GPR141: variants seen among roughly 807,000 people sequenced by gnomAD.
GPR141 encodes the protein probable G protein-coupled receptor 141.
GPR141 carries 6 observed loss-of-function variants against 6.8 expected under a neutral mutation model. That is an observed-to-expected ratio of 0.88 (90% CI 0.48 to 1.74). The LOEUF is 1.74. GPR141 is among the 40% of genes most tolerant of loss of function. GPR141 has a pLI of 0.01. For synonymous variants in GPR141, 140 were observed against 142.3 expected, an observed-to-expected ratio of 0.98 and a Z score of 0.11; for missense variants, 372 against 372.9, an observed-to-expected ratio of 1.00 and a Z score of 0.02.
At position 37,723,660 on chromosome 7, in the gene GPR141, G is replaced by A. The variant is rs192160802; in HGVS notation, c.-14-16720G>A. ...AGTTACCAGCATTGTTGGATACCAC[G>A]TTTTGCCTGTCTGAAGGCCTCGTCC... is the stretch of plus-strand genomic sequence containing the variant. On this transcript the variant is annotated intron_variant, in intron 2 of 2. Coordinates refer to ENST00000334425, the MANE Select transcript of GPR141 (RefSeq NM_001381946.1). 2.8e-4 allele frequency among the ~76,000 whole-genome samples: 42 copies of A among 152,300 alleles called. 1 individual carries two copies. The highest frequency in any genetic ancestry group is 5.4e-4 in the Non-Finnish European group (37 of 68,010).
intron 2 of GPR141, among the ~76,000 whole-genome samples, chr7:37,696,523 T>C (rs1466042213): frequency 6.6e-6 from 1 of 151,978 alleles, no homozygotes; most frequent in Non-Finnish European, 1.5e-5. Context: ...ATGCCTGGCA[T>C]TCAACCACCT....
intron 2 of GPR141, among the ~76,000 whole-genome samples, chr7:37,708,921 A>G (rs1482852871): frequency 6.6e-6 from 1 of 152,190 alleles, no homozygotes; most frequent in Non-Finnish European, 1.5e-5. Context: ...GTTTTTTCAT[A>G]TGTAATATCT....
intron 2 of GPR141, among the ~76,000 whole-genome samples, chr7:37,724,636 G>C (rs1045246278): frequency 6.6e-6 from 1 of 152,144 alleles, no homozygotes; most frequent in African/African-American, 2.4e-5. Context: ...GAGTTTCCCT[G>C]AGTGAGTGAT....
At chr7:37,697,643 G>A (rs1236854881) in intron 2 of GPR141, among the ~76,000 whole-genome samples, 2 of 152,298 alleles carry the variant, frequency 1.3e-5, no homozygotes, top group African/African-American at 4.8e-5. Context: ...TCTTCACTGA[G>A]TCTCAATGTA....
At chr7:37,731,771 TCCCATTAGGAAAAAATTGTGC>T (rs1811956476) in intron 2 of GPR141, among the ~76,000 whole-genome samples, 1 of 152,200 alleles carries the variant, frequency 6.6e-6, no homozygotes, top group Non-Finnish European at 1.5e-5. Context: ...AATTTTTTTG[TCCCATTAGGAAAAAATTGTGC>T]CCCAATCGCT....
chr7:37,739,719 TAGG>T (rs1487298989), intron 2 of GPR141, among the ~76,000 whole-genome samples: 1 of 151,636 alleles, frequency 6.6e-6, no homozygotes, highest in Non-Finnish European at 1.5e-5. Context: ...CCTTTGAGAG[TAGG>T]AGATGAGAGA....
chr7:37,693,566 G>A (rs905136342), intron 2 of GPR141, among the ~76,000 whole-genome samples: 2 of 152,170 alleles, frequency 1.3e-5, no homozygotes, highest in Admixed American at 6.5e-5. Flanking sequence ...AGGGGATGAA[G>A]CACCTTGTAG....
intron 2 of GPR141, among the ~76,000 whole-genome samples, chr7:37,706,436 C>G (rs1429109362): frequency 6.6e-6 from 1 of 152,160 alleles, no homozygotes; most frequent in Non-Finnish European, 1.5e-5. Context: ...TATCCAGATT[C>G]AAGAAGAAGG....
intron 2 of GPR141, among the ~76,000 whole-genome samples, chr7:37,694,958 G>A (rs1809948143): frequency 6.6e-6 from 1 of 152,162 alleles, no homozygotes; most frequent in Admixed American, 6.5e-5. Context: ...ATTCCACTAA[G>A]GCACCATTTT....
At position 37,743,792 on chromosome 7, in the gene GPR141, A is replaced by G. The variant is rs1051143121; in HGVS notation, c.*2481A>G. On this transcript the variant is annotated 3_prime_UTR_variant, in exon 3 of 3. Transcript: ENST00000334425. ...GAAATGCAATATTTCATAATATAAA[A>G]TATCTTTTTCATCAGTATTTATGGA... Among the ~76,000 whole-genome samples the G allele has an allele frequency of 1.3e-5, 2 of 152,176 alleles. No homozygotes were observed. The highest frequency in any genetic ancestry group is 3.8e-4 in the East Asian group (2 of 5,200).
Position 37,742,205 on chromosome 7 carries a change from A to G in GPR141, c.*894A>G, listed in dbSNP as rs1812598993. On this transcript the variant is annotated 3_prime_UTR_variant, in exon 3 of 3. Transcript: ENST00000334425. ...AGATTTTTAGGGGGGACAGAAAGTT[A>G]TACTGAAATCTTTAGAGCTCCCTTC... Among the ~76,000 whole-genome samples, 1 of 152,088 alleles carries G rather than the reference A, an allele frequency of 6.6e-6. No homozygotes were observed. The highest frequency in any genetic ancestry group is 2.4e-5 in the African/African-American group (1 of 41,418).
At position 37,741,400 on chromosome 7, in the gene GPR141, T is replaced by A. The variant is rs1812558823; in HGVS notation, c.*89T>A. On this transcript the variant is annotated 3_prime_UTR_variant, in exon 3 of 3. Coordinates refer to ENST00000334425, the MANE Select transcript of GPR141 (RefSeq NM_001381946.1). ...GTAAGAATGGTATTTCATTACTTGA[T>A]CAAAACCATGCCTTGATGTACCCAA... is the stretch of plus-strand genomic sequence containing the variant. The A allele has an allele frequency of 1.0e-6, 1 of 992,002 alleles. No individual in the cohort carries two copies. Among genetic ancestry groups the A allele is most frequent in the Non-Finnish European group, 1.5e-6 (1 of 673,350 alleles). The allele number at this position is 992,002 out of a possible 1,614,324, so 61.4% of individuals were successfully genotyped here.
At chr7:37,740,140 G>A (rs944116110) in intron 2 of GPR141, among the ~76,000 whole-genome samples, 4 of 152,056 alleles carry the variant, frequency 2.6e-5, no homozygotes, top group Non-Finnish European at 5.9e-5. Context: ...TCTCTCTGGG[G>A]GGCAACTTGA....
At chr7:37,687,238 C>G (rs1809550412) in intron 2 of GPR141, among the ~76,000 whole-genome samples, 3 of 151,958 alleles carry the variant, frequency 2.0e-5, no homozygotes, top group Admixed American at 1.3e-4. Flanking sequence ...AACAATTCCA[C>G]TAAAGGAAAT....
chr7:37,703,372 A>G (rs1360038040), intron 2 of GPR141, among the ~76,000 whole-genome samples: 1 of 152,118 alleles, frequency 6.6e-6, no homozygotes, highest in Non-Finnish European at 1.5e-5. Context: ...CACCCTGCTT[A>G]AGAACTTTTG....
chr7:37,733,166 C>G (rs1449709993), intron 2 of GPR141, among the ~76,000 whole-genome samples: 3 of 152,070 alleles, frequency 2.0e-5, no homozygotes, highest in South Asian at 2.1e-4. Flanking sequence ...GGACTTGGCT[C>G]TATGTGCTTG....
At chr7:37,688,490 A>G (rs1809613404) in intron 2 of GPR141, among the ~76,000 whole-genome samples, 1 of 152,180 alleles carries the variant, frequency 6.6e-6, no homozygotes. Flanking sequence ...AGAGATATAA[A>G]ACTGACAGTT....
intron 2 of GPR141, among the ~76,000 whole-genome samples, chr7:37,692,854 TCTTGTAAATTTGTTTGAGTTC>T (rs971789061): frequency 2.0e-5 from 3 of 152,344 alleles, no homozygotes; most frequent in African/African-American, 7.2e-5. Context: ...GTTTGTTTTT[TCTTGTAAATTTGTTTGAGTTC>T]CTTGTAAATT....
rs1256860551 is a variant in GPR141, at chr7:37,742,286, A to T, written c.*975A>T. 6.6e-6 allele frequency among the ~76,000 whole-genome samples: 1 copy of T among 152,018 alleles called. No individual in the cohort carries two copies. Among genetic ancestry groups the T allele is most frequent in the African/African-American group, 2.4e-5 (1 of 41,410 alleles). ...AATTATACCTTAAGTTCTGGGGTAC[A>T]TGTGCAGAATGTGCAGGTTTGTTAC... On this transcript the variant is annotated 3_prime_UTR_variant, in exon 3 of 3. Coordinates refer to ENST00000334425, the MANE Select transcript of GPR141 (RefSeq NM_001381946.1).
Sources: gnomAD v4.1 joint callset for allele counts (sites outside exome capture counted in the v4.1 genomes callset) on GRCh38, gnomAD v4.1.1 for gene constraint, MANE v1.5 for transcripts, NCBI Gene and HGNC (gene_info 2026-07-23, HGNC 2026-07-21) for gene names.